GATAD2B: variants seen among roughly 807,000 people sequenced by gnomAD.
The protein encoded by GATAD2B is transcriptional repressor p66-beta.
Under a neutral mutation model 64.3 loss-of-function variants are expected in GATAD2B, and 8 were observed. The observed-to-expected ratio is 0.12, with a 90% confidence interval of 0.07 to 0.22. The LOEUF (loss-of-function observed/expected upper bound fraction) is 0.22. Ranked by LOEUF, GATAD2B falls within the 10% of genes least tolerant of loss-of-function variation. The pLI, the probability that GATAD2B is intolerant of heterozygous loss-of-function variation, is 1.00. For synonymous variants in GATAD2B, 281 were observed against 271.3 expected (o/e 1.04, Z -0.35); for missense variants, 453 against 752.0 (o/e 0.60, Z 4.65).
intron 1 of GATAD2B, among the ~76,000 whole-genome samples, chr1:153,873,251 G>A (rs1676724699): frequency 6.6e-6 from 1 of 152,074 alleles, no homozygotes; most frequent in Admixed American, 6.6e-5. Context: ...TGTTTAATAG[G>A]TAACCTACCA....
intron 1 of GATAD2B, among the ~76,000 whole-genome samples, chr1:153,854,325 C>T (rs888025166): frequency 2.0e-5 from 3 of 152,070 alleles, no homozygotes; most frequent in African/African-American, 7.2e-5. Flanking sequence ...ATGGTGTGAA[C>T]CCGGGAGGTG....
At position 153,900,008 on chromosome 1, in the gene GATAD2B, T is replaced by C. The variant is rs914314601; in HGVS notation, c.-2+22725A>G. On this transcript the variant is annotated intron_variant, in intron 1 of 10. Coordinates refer to ENST00000368655, the MANE Select transcript of GATAD2B (RefSeq NM_020699.4). ...ATACACAAATTGCAAACACCCTAACTGTTCCTCAGAAGTGGACAGATTAGG... is the reference window on the plus strand; with the variant it reads ...ATACACAAATTGCAAACACCCTAACCGTTCCTCAGAAGTGGACAGATTAGG... Among the ~76,000 whole-genome samples the C allele has an allele frequency of 2.2e-4, 34 of 152,320 alleles. 4 individuals carry two copies. Among genetic ancestry groups the C allele is most frequent in the Admixed American group, 2.2e-3 (33 of 15,288 alleles).
intron 1 of GATAD2B, among the ~76,000 whole-genome samples, chr1:153,862,122 T>G (rs78263248): frequency 7.3e-6 from 1 of 137,432 alleles, no homozygotes; most frequent in African/African-American, 2.8e-5. Context: ...TATATCCTTT[T>G]TTTTTTTTTT....
At chr1:153,811,895 G>T in intron 9 of GATAD2B, 47 bp from the exon 10 acceptor site, 1 of 1,377,626 alleles carries the variant, frequency 7.3e-7, no homozygotes, top group African/African-American at 1.4e-5. Context: ...ATGATAGAAT[G>T]TTAAGCGGGG....
intron 1 of GATAD2B, among the ~76,000 whole-genome samples, chr1:153,831,871 T>C (rs901521170): frequency 4.6e-5 from 7 of 152,230 alleles, no homozygotes; most frequent in African/African-American, 1.7e-4. Flanking sequence ...AGTACAGCCA[T>C]GCCTCATTTT....
chr1:153,826,940 T>TAAAA (rs35916476), intron 2 of GATAD2B, among the ~76,000 whole-genome samples: 1 of 137,346 alleles, frequency 7.3e-6, no homozygotes. Flanking sequence ...GACCCTATCT[T>TAAAA]AAAAAAAAAA....
chr1:153,866,518 A>G (rs1676480900), intron 1 of GATAD2B, among the ~76,000 whole-genome samples: 1 of 152,136 alleles, frequency 6.6e-6, no homozygotes. Context: ...ACCATCTCCA[A>G]CCTGCCCTAA....
At chr1:153,831,570 T>C (rs930375648) in intron 1 of GATAD2B, among the ~76,000 whole-genome samples, 4 of 152,186 alleles carry the variant, frequency 2.6e-5, no homozygotes, top group Non-Finnish European at 4.4e-5. Context: ...CTATGTAAAG[T>C]GTACAATTCA....
chr1:153,916,936 T>G (rs1678284973), intron 1 of GATAD2B, among the ~76,000 whole-genome samples: 1 of 151,658 alleles, frequency 6.6e-6, no homozygotes, highest in African/African-American at 2.4e-5. Flanking sequence ...GCCCCCCGAG[T>G]AGCTGGGATT....
At position 153,816,606 on chromosome 1, in the gene GATAD2B, T is replaced by C. The variant is rs1265140762; in HGVS notation, c.901-18A>G. The C allele has an allele frequency of 6.4e-7, 1 of 1,562,380 alleles. No individual in the cohort carries two copies. The highest frequency in any genetic ancestry group is 1.1e-5 in the South Asian group (1 of 90,006). On this transcript the variant is annotated intron_variant, in intron 6 of 10. Transcript: ENST00000368655. This position sits in a 1 kb window ranked among gnomAD's most constrained non-coding sequence, Gnocchi z 4.9. The stretch of plus-strand genomic sequence containing the variant: ...CTTGACTGCTGAAATAGATTGAGAA[T>C]GCGGTCAATCATGGTATGCAGGAGA...
At chr1:153,882,082 C>A (rs1180278739) in intron 1 of GATAD2B, among the ~76,000 whole-genome samples, 2 of 152,052 alleles carry the variant, frequency 1.3e-5, no homozygotes, top group Non-Finnish European at 2.9e-5. Context: ...CGGTTTATAA[C>A]CTCAGGACAT....
At position 153,812,046 on chromosome 1, in the gene GATAD2B, G is replaced by C; in HGVS notation, c.1506C>G (p.Ile502Met). 1 of 1,608,998 alleles carries C rather than the reference G, an allele frequency of 6.2e-7. No individual in the cohort carries two copies. Residue 502 changes from isoleucine to methionine, a missense_variant, in exon 9 of 11, where the codon ATC (isoleucine) becomes ATG (methionine). Physicochemically the swap from Ile to Met is conservative, Grantham distance 10 (BLOSUM62 1). This residue lies in a region of GATAD2B where 160 missense variants were observed against 334.7 expected (regional missense o/e 0.48). Coordinates refer to ENST00000368655, the MANE Select transcript of GATAD2B (RefSeq NM_020699.4). ...AVSSVSKQET[I>M]MRHHTLRQAP... ...CCTGCCGAAGCGTATGATGTCTCAT[G>C]ATGGTCTCTTGTTTACTGACACTGG... is the stretch of plus-strand genomic sequence containing the variant.
At chr1:153,884,084 G>A (rs1203088713) in intron 1 of GATAD2B, among the ~76,000 whole-genome samples, 2 of 151,234 alleles carry the variant, frequency 1.3e-5, no homozygotes, top group Non-Finnish European at 2.9e-5. Context: ...ACCACCTGAG[G>A]CCCGGAGTTC....
At chr1:153,814,568 T>A (rs1439152356) in intron 7 of GATAD2B, among the ~76,000 whole-genome samples, 2 of 151,024 alleles carry the variant, frequency 1.3e-5, no homozygotes, top group African/African-American at 2.4e-5. Context: ...AGGCCAGGAG[T>A]TTGAGACCAG....
At chr1:153,912,620 A>G (rs1487076847) in intron 1 of GATAD2B, among the ~76,000 whole-genome samples, 1 of 152,198 alleles carries the variant, frequency 6.6e-6, no homozygotes, top group Non-Finnish European at 1.5e-5. Flanking sequence ...TGATGGCAAC[A>G]CATCAATCTA....
intron 1 of GATAD2B, among the ~76,000 whole-genome samples, chr1:153,860,369 C>G (rs759976764): frequency 1.3e-5 from 2 of 152,190 alleles, no homozygotes; most frequent in Non-Finnish European, 2.9e-5. Flanking sequence ...GGGCCTCACT[C>G]TGTCACCTAG....
Position 153,843,523 on chromosome 1 carries a change from C to A in GATAD2B, c.-1-15175G>T, listed in dbSNP as rs570588208. Reference sequence around the variant, plus strand: ...CTCCTGGCCTCACACGATCCTCCTGCCTTGGCTTCCCAAAGCACCAGGATT... The same window carrying A: ...CTCCTGGCCTCACACGATCCTCCTGACTTGGCTTCCCAAAGCACCAGGATT... On this transcript the variant is annotated intron_variant, in intron 1 of 10. Coordinates refer to ENST00000368655, the MANE Select transcript of GATAD2B (RefSeq NM_020699.4). Among the ~76,000 whole-genome samples, 56 of 152,234 alleles carry A rather than the reference C, an allele frequency of 3.7e-4. No individual in the cohort carries two copies. The South Asian group carries it at 0.011, about 29-fold the overall frequency.
chr1:153,809,328 T>C lies in GATAD2B; in HGVS notation c.*849A>G, dbSNP rs1674211365. 1.3e-5 allele frequency: 2 copies of C among 152,220 alleles called. No homozygotes were observed. The highest frequency in any genetic ancestry group is 2.4e-5 in the African/African-American group (1 of 41,428). The allele number at this position is 152,220 out of a possible 1,614,324, so 9.4% of individuals were successfully genotyped here. Reference sequence around the variant, plus strand: ...CAATGGGGTCAGGAGATCGGTCTTATTTCCCCAAGATACAGAAAGGCAGGA... The same window carrying C: ...CAATGGGGTCAGGAGATCGGTCTTACTTCCCCAAGATACAGAAAGGCAGGA... On this transcript the variant is annotated 3_prime_UTR_variant, in exon 11 of 11. Coordinates refer to ENST00000368655, the MANE Select transcript of GATAD2B (RefSeq NM_020699.4).
chr1:153,867,282 C>A (rs532840718), intron 1 of GATAD2B, among the ~76,000 whole-genome samples: 1 of 152,118 alleles, frequency 6.6e-6, no homozygotes, highest in Non-Finnish European at 1.5e-5. Flanking sequence ...ACATATCAGA[C>A]CCCAAACTGC....
Sources: gnomAD v4.1 joint callset for allele counts (sites outside exome capture counted in the v4.1 genomes callset) on GRCh38, gnomAD v4.1.1 for gene constraint, gnomAD v4.1.1 regional missense constraint, Gnocchi (gnomAD v3.1) non-coding constraint, MANE v1.5 for transcripts, NCBI Gene and HGNC (gene_info 2026-07-23, HGNC 2026-07-21) for gene names.